KRABD3: variants seen among roughly 807,000 people sequenced by gnomAD.
KRABD3 encodes KRAB domain containing 3.
the KRABD3 span, among the ~76,000 whole-genome samples, chr7:149,719,228 G>C: frequency 6.6e-6 from 1 of 152,210 alleles, no homozygotes; most frequent in Non-Finnish European, 1.5e-5. This position sits in a 1 kb window ranked among gnomAD's most constrained non-coding sequence, Gnocchi z 5.6. Context: ...TGTCTCTTCT[G>C]ATAAGGAATG....
chr7:149,730,917 A>T, the KRABD3 span, among the ~76,000 whole-genome samples: 6 of 152,230 alleles, frequency 3.9e-5, no homozygotes, highest in Admixed American at 3.3e-4. Context: ...AAGTCTCAAA[A>T]GTGAGATTTC....
At chr7:149,727,917 T>C in the KRABD3 span, among the ~76,000 whole-genome samples, 4 of 152,322 alleles carry the variant, frequency 2.6e-5, no homozygotes, top group Non-Finnish European at 5.9e-5. Context: ...TCCCGCCCTG[T>C]GCCTGGGCCC....
chr7:149,721,495 C>T, the KRABD3 span: 116 of 1,612,712 alleles, frequency 7.2e-5, no homozygotes, highest in Non-Finnish European at 9.6e-5. Flanking sequence ...GTTCCAGTGG[C>T]CCAACTGGTG....
the KRABD3 span, chr7:149,720,729 T>A: frequency 8.5e-7 from 1 of 1,177,822 alleles, no homozygotes; most frequent in Non-Finnish European, 1.2e-6. Context: ...CTGCTCCTCA[T>A]GTGGCTGGGA....
the KRABD3 span, chr7:149,720,814 G>T: frequency 5.1e-6 from 8 of 1,566,066 alleles, no homozygotes; most frequent in Admixed American, 1.9e-5. Flanking sequence ...GTGCGGGGGG[G>T]TCACTGTGGC....
the KRABD3 span, among the ~76,000 whole-genome samples, chr7:149,726,770 A>C: frequency 6.6e-6 from 1 of 152,034 alleles, no homozygotes; most frequent in Non-Finnish European, 1.5e-5. Flanking sequence ...ATCTGGGTGG[A>C]GTAGCACCTG....
the KRABD3 span, chr7:149,721,371 T>C: frequency 5.7e-6 from 9 of 1,578,138 alleles, no homozygotes; most frequent in Non-Finnish European, 7.7e-6. Flanking sequence ...TCTCCCTCTT[T>C]CCCGACAGCA....
the KRABD3 span, chr7:149,729,740 C>T: frequency 1.0e-6 from 1 of 985,400 alleles, no homozygotes; most frequent in Non-Finnish European, 1.2e-6. Flanking sequence ...TGCGGTTTTG[C>T]TGACCCTCCC....
chr7:149,723,573 C>T, the KRABD3 span: 4 of 656,578 alleles, frequency 6.1e-6, no homozygotes, highest in Non-Finnish European at 1.0e-5. Flanking sequence ...CCGGTTCTGG[C>T]AGGTGTGTGG....
chr7:149,715,346 G>A, the KRABD3 span: 1 of 1,198,574 alleles, frequency 8.3e-7, no homozygotes. Context: ...AGGCCTCGGA[G>A]GCAGTGAGTA....
At chr7:149,724,609 TC>T in the KRABD3 span, 1 of 1,427,516 alleles carries the variant, frequency 7.0e-7, no homozygotes, top group African/African-American at 1.4e-5. Flanking sequence ...TCAGGGTGAG[TC>T]CAGGCCTGAA....
At chr7:149,733,346 C>T in the KRABD3 span, 6 of 1,612,336 alleles carry the variant, frequency 3.7e-6, no homozygotes, top group Non-Finnish European at 5.1e-6. Context: ...CTGTGGGAAG[C>T]CCCTGCAGCA....
At chr7:149,733,089 C>G in the KRABD3 span, 4 of 1,251,210 alleles carry the variant, frequency 3.2e-6, no homozygotes, top group Non-Finnish European at 4.4e-6. Context: ...TCCTTCCTTT[C>G]TGGAAGCTGG....
At chr7:149,715,070 A>T in the KRABD3 span, 5 of 1,230,430 alleles carry the variant, frequency 4.1e-6, no homozygotes, top group Admixed American at 8.5e-5. Context: ...GCGCCAGGTA[A>T]GGCAGGCGGA....
chr7:149,725,989 C>T, the KRABD3 span: 1 of 1,611,686 alleles, frequency 6.2e-7, no homozygotes, highest in Non-Finnish European at 8.5e-7. Flanking sequence ...AGCTTCTCCT[C>T]ATCCAGCAGC....
chr7:149,720,203 C>T, the KRABD3 span: 3 of 1,497,148 alleles, frequency 2.0e-6, no homozygotes, highest in African/African-American at 1.4e-5. Context: ...TGACCTCAGC[C>T]TACTCAGTCC....
the KRABD3 span, among the ~76,000 whole-genome samples, chr7:149,731,142 G>A: frequency 6.6e-6 from 1 of 152,196 alleles, no homozygotes; most frequent in Non-Finnish European, 1.5e-5. Flanking sequence ...GCTGGAGGAC[G>A]AGGACGAGGA....
the KRABD3 span, among the ~76,000 whole-genome samples, chr7:149,729,027 G>A: frequency 6.6e-6 from 1 of 152,240 alleles, no homozygotes; most frequent in African/African-American, 2.4e-5. Flanking sequence ...TGTTCTGGAG[G>A]GTTCAGGCGC....
chr7:149,721,696 C>A, the KRABD3 span: 1 of 844,236 alleles, frequency 1.2e-6, no homozygotes, highest in Non-Finnish European at 1.9e-6. Context: ...AGCAGGACAA[C>A]ATATTTAGCC....
Sources: gnomAD v4.1 joint callset for allele counts (sites outside exome capture counted in the v4.1 genomes callset) on GRCh38, gnomAD v4.1.1 for gene constraint, Gnocchi (gnomAD v3.1) non-coding constraint, MANE v1.5 for transcripts, NCBI Gene and HGNC (gene_info 2026-07-23, HGNC 2026-07-21) for gene names.